Variants in DPH6 observed in about 807,000 individuals in gnomAD.
DPH6 encodes diphthine--ammonia ligase.
In DPH6, 33 loss-of-function variants were observed where a neutral mutation model predicts 38.2. The observed-to-expected ratio is 0.86, with a 90% confidence interval of 0.65 to 1.15. The LOEUF (loss-of-function observed/expected upper bound fraction) is 1.15, where lower values mean the gene tolerates loss of function less well. Among genes scored for constraint, DPH6 ranks in the 50% most tolerant of loss-of-function variants. DPH6 has a pLI of 0.00. For synonymous variants in DPH6, 108 were observed against 103.0 expected (o/e 1.05, Z -0.30); for missense variants, 325 against 320.0 (o/e 1.02, Z -0.12).
chr15:35,241,702 G>A (rs962538632), intron 3 of DPH6, among the ~76,000 whole-genome samples: 2 of 141,448 alleles, frequency 1.4e-5, no homozygotes, highest in African/African-American at 5.1e-5. Flanking sequence ...CTTGTCGACC[G>A]ATCATGCACC....
intron 7 of DPH6, among the ~76,000 whole-genome samples, chr15:35,380,719 G>A (rs527984728): frequency 9.2e-5 from 14 of 151,954 alleles, no homozygotes; most frequent in Non-Finnish European, 1.6e-4. Context: ...ATCATCATGG[G>A]CAAAATAAAT....
chr15:35,528,729 T>C (rs2055042465), intron 3 of DPH6, among the ~76,000 whole-genome samples: 1 of 152,230 alleles, frequency 6.6e-6, no homozygotes, highest in African/African-American at 2.4e-5. Context: ...CATACGCATA[T>C]GTGCCTGTAC....
chr15:35,372,576 CT>C (rs1354339775), intron 8 of DPH6, among the ~76,000 whole-genome samples: 1 of 151,884 alleles, frequency 6.6e-6, no homozygotes, highest in Non-Finnish European at 1.5e-5. Context: ...GGGTTACCAG[CT>C]TTTTGATAAA....
chr15:35,449,367 C>T (rs1366820908), intron 5 of DPH6, among the ~76,000 whole-genome samples: 1 of 152,042 alleles, frequency 6.6e-6, no homozygotes, highest in East Asian at 1.9e-4. Context: ...AATGAAAGAA[C>T]ACACAATATC....
the DPH6 span, among the ~76,000 whole-genome samples, chr15:35,190,572 G>A: frequency 1.3e-5 from 2 of 152,208 alleles, no homozygotes; most frequent in African/African-American, 4.8e-5. Context: ...TTCTACAACA[G>A]TGATGTTATC....
chr15:35,491,779 A>G (rs947604508), intron 3 of DPH6, among the ~76,000 whole-genome samples: 5 of 150,610 alleles, frequency 3.3e-5, no homozygotes, highest in African/African-American at 9.7e-5. Flanking sequence ...ATATATGTAT[A>G]GACATATTTT....
chr15:35,200,889 G>C, the DPH6 span, among the ~76,000 whole-genome samples: 6 of 149,946 alleles, frequency 4.0e-5, no homozygotes, highest in East Asian at 1.2e-3. Context: ...TTTTCTAATT[G>C]TAGAATATAT....
At chr15:35,457,592 C>A (rs957574823) in intron 3 of DPH6, among the ~76,000 whole-genome samples, 46 of 152,310 alleles carry the variant, frequency 3.0e-4, no homozygotes, top group African/African-American at 8.2e-4. Flanking sequence ...GCCACCACAC[C>A]TGGCCCAATA....
intron 3 of DPH6, among the ~76,000 whole-genome samples, chr15:35,239,407 C>T: frequency 1.4e-5 from 2 of 144,186 alleles, no homozygotes; most frequent in Non-Finnish European, 3.0e-5. Flanking sequence ...GGAAGGCAGC[C>T]TTCCCTTGGT....
At chr15:35,398,303 A>G (rs1406452956) in intron 6 of DPH6, among the ~76,000 whole-genome samples, 1 of 152,180 alleles carries the variant, frequency 6.6e-6, no homozygotes, top group Non-Finnish European at 1.5e-5. Context: ...GGGATGGGCA[A>G]TGGTTGCCAG....
At chr15:35,147,972 G>A in the DPH6 span, among the ~76,000 whole-genome samples, 3 of 152,206 alleles carry the variant, frequency 2.0e-5, no homozygotes, top group Admixed American at 6.5e-5. Flanking sequence ...CGATGAATCA[G>A]TGCCCAGGAG....
intron 3 of DPH6, chr15:35,521,364 C>G (rs552587749): frequency 9.7e-7 from 1 of 1,031,060 alleles, no homozygotes; most frequent in Non-Finnish European, 1.2e-6. Context: ...TATGAACCAA[C>G]TTTATATAAA....
At chr15:35,232,742 T>A (rs997089410) in intron 3 of DPH6, among the ~76,000 whole-genome samples, 1 of 152,200 alleles carries the variant, frequency 6.6e-6, no homozygotes, top group Non-Finnish European at 1.5e-5. Context: ...ATTGATAGGT[T>A]CTAGTATTTG....
intron 3 of DPH6, among the ~76,000 whole-genome samples, chr15:35,463,996 TAAAG>T (rs2141111089): frequency 6.6e-6 from 1 of 152,124 alleles, no homozygotes; most frequent in Admixed American, 6.5e-5. Context: ...AATGGACACA[TAAAG>T]AAATAAGTCA....
intron 1 of DPH6, 131 bp downstream of exon 1, chr15:35,545,988 T>A: frequency 1.2e-6 from 1 of 844,408 alleles, no homozygotes. Context: ...CCTCTTCCTG[T>A]GGCTCGGAGG....
At chr15:35,262,000 G>A (rs2051750331) in intron 3 of DPH6, among the ~76,000 whole-genome samples, 1 of 152,106 alleles carries the variant, frequency 6.6e-6, no homozygotes, top group Non-Finnish European at 1.5e-5. Context: ...CAGGGGTGGA[G>A]ACATACAAAA....
chr15:35,530,169 G>A (rs1186324909), intron 3 of DPH6, among the ~76,000 whole-genome samples: 2 of 152,056 alleles, frequency 1.3e-5, no homozygotes, highest in African/African-American at 4.8e-5. Context: ...ATATGGCAAA[G>A]ACAAGATAAA....
intron 7 of DPH6, among the ~76,000 whole-genome samples, chr15:35,378,957 A>G (rs1456529404): frequency 1.3e-5 from 2 of 152,210 alleles, no homozygotes; most frequent in Admixed American, 6.5e-5. Context: ...CATGTACCCT[A>G]GAACTTAAAA....
intron 3 of DPH6, chr15:35,298,457 T>A (rs2052030150): frequency 1.3e-6 from 1 of 762,560 alleles, no homozygotes; most frequent in African/African-American, 1.7e-5. Context: ...TTTGAGATAT[T>A]TTTCACGTTC....
Sources: gnomAD v4.1 joint callset for allele counts (sites outside exome capture counted in the v4.1 genomes callset) on GRCh38, gnomAD v4.1.1 for gene constraint, MANE v1.5 for transcripts, NCBI Gene and HGNC (gene_info 2026-07-23, HGNC 2026-07-21) for gene names.